FMR1NB: variants seen among roughly 807,000 people sequenced by gnomAD.
FMR1NB encodes the protein FMR1 neighbor protein.
A neutral mutation model predicts 16.8 loss-of-function variants in FMR1NB; 10 were observed. The observed-to-expected ratio is 0.60, with a 90% CI of 0.37 to 1.01. The LOEUF (loss-of-function observed/expected upper bound fraction) is 1.01. FMR1NB is among the 50% of genes least tolerant of loss of function. The pLI, the probability that FMR1NB is intolerant of heterozygous loss-of-function variation, is 0.01. For synonymous variants in FMR1NB, 83 were observed against 79.1 expected (o/e 1.05, Z -0.26); for missense variants, 205 against 204.8 (o/e 1.00, Z 0.00).
intron 4 of FMR1NB, among the ~76,000 whole-genome samples, chrX:148,010,874 G>T (rs2044620344): frequency 9.0e-6 from 1 of 111,104 alleles, no homozygotes; most frequent in Non-Finnish European, 1.9e-5. Flanking sequence ...AGCTGTCATA[G>T]CTCTCCTCTT....
intron 2 of FMR1NB, among the ~76,000 whole-genome samples, chrX:148,004,152 A>C (rs782360586): frequency 1.8e-5 from 2 of 112,386 alleles, no homozygotes. Flanking sequence ...AAGTTCCTTA[A>C]ATAAACTCAA....
chrX:148,018,556 A>G (rs1310154562), intron 4 of FMR1NB, among the ~76,000 whole-genome samples: 6 of 111,892 alleles, frequency 5.4e-5, no homozygotes, highest in Non-Finnish European at 7.5e-5. Flanking sequence ...CAAACCTGAG[A>G]AAAACAAGCA....
intron 1 of FMR1NB, among the ~76,000 whole-genome samples, chrX:147,992,073 CG>C (rs1301038523): frequency 2.1e-4 from 23 of 112,123 alleles, no homozygotes; most frequent in Non-Finnish European, 4.2e-4. Flanking sequence ...CACACAGACA[CG>C]GCAACTATCT....
chrX:148,005,535 G>A (rs1363738442), intron 2 of FMR1NB, among the ~76,000 whole-genome samples: 2 of 111,834 alleles, frequency 1.8e-5, no homozygotes, highest in African/African-American at 6.5e-5. Flanking sequence ...CAACAAGTAG[G>A]ATAAACTCTC....
chrX:148,022,737 A>G (rs1457988483), intron 4 of FMR1NB, among the ~76,000 whole-genome samples: 1 of 111,665 alleles, frequency 9.0e-6, no homozygotes, highest in African/African-American at 3.3e-5. Flanking sequence ...GGCTGAACAA[A>G]AACCAAGTCC....
At chrX:148,018,365 A>G (rs2044661265) in intron 4 of FMR1NB, among the ~76,000 whole-genome samples, 1 of 111,142 alleles carries the variant, frequency 9.0e-6, no homozygotes, top group South Asian at 3.7e-4. Flanking sequence ...GTTCATGCCA[A>G]GTCAATCCTA....
intron 4 of FMR1NB, among the ~76,000 whole-genome samples, chrX:148,011,938 G>A (rs1052371751): frequency 9.0e-6 from 1 of 111,578 alleles, no homozygotes; most frequent in African/African-American, 3.3e-5. Context: ...GAAGCAGAGA[G>A]CATTAGTGAA....
chrX:147,992,184 A>G (rs1315584726), intron 1 of FMR1NB, among the ~76,000 whole-genome samples: 1 of 107,559 alleles, frequency 9.3e-6, no homozygotes, highest in African/African-American at 3.4e-5. Context: ...CACACCTCCC[A>G]GACGGGGTGG....
intron 4 of FMR1NB, among the ~76,000 whole-genome samples, chrX:148,022,728 G>A (rs1295742785): frequency 4.5e-5 from 5 of 111,430 alleles, no homozygotes; most frequent in African/African-American, 6.5e-5. Flanking sequence ...TAGTGATGAG[G>A]CTGAACAAAA....
chrX:148,006,636 A>T lies in FMR1NB; in HGVS notation c.398-66A>T, dbSNP rs782543122. On this transcript the variant is annotated intron_variant, in intron 2 of 5. Coordinates refer to ENST00000370467, the MANE Select transcript of FMR1NB (RefSeq NM_152578.3). ...TTTTCTTCTTTGTCTTCCAGTAATT[A>T]TTTAATTAGGGAAAGTGGTAACTAA... 3.4e-5 allele frequency: 37 copies of T among 1,093,787 alleles called. No homozygotes were observed. The Middle Eastern group carries it at 2.0e-3, about 60-fold the overall frequency. The allele number at this position is 1,093,787 out of a possible 1,213,427, so 90.1% of individuals were successfully genotyped here.
intron 1 of FMR1NB, among the ~76,000 whole-genome samples, chrX:147,992,876 G>A (rs2044519515): frequency 3.3e-5 from 3 of 90,349 alleles, no homozygotes; most frequent in East Asian, 3.3e-4. Context: ...GGGAAGAGGC[G>A]CTCCTCACTT....
In FMR1NB at chrX:147,981,420, G is replaced by T. The variant is rs781834891; in HGVS notation, c.18G>T (p.Arg6Ser). 9 of 1,210,684 alleles carry T rather than the reference G, an allele frequency of 7.4e-6. No homozygotes were observed. The highest frequency in any genetic ancestry group is 1.0e-5 in the Non-Finnish European group (9 of 894,877). The change falls in exon 1 of 6, where the codon AGG (arginine) becomes AGT (serine). Residue 6 changes from arginine (R) to serine (S), a missense_variant. Transcript: ENST00000370467. ...CCGGAGCCATGTCTTCACATAGGAG[G>T]AAAGCGAAGGGGAGGAATAGGAGAA... is the stretch of plus-strand genomic sequence containing the variant. MSSHRRKAKGRNRRSH... is the reference protein window; with the variant it reads MSSHRSKAKGRNRRSH...
intron 1 of FMR1NB, among the ~76,000 whole-genome samples, chrX:147,984,485 G>T (rs1263522624): frequency 8.9e-6 from 1 of 112,118 alleles, no homozygotes; most frequent in Non-Finnish European, 1.9e-5. Context: ...TATTGCAAAT[G>T]GAATGGTTTC....
chrX:147,991,153 C>A (rs1174632134), intron 1 of FMR1NB, among the ~76,000 whole-genome samples: 1 of 111,340 alleles, frequency 9.0e-6, no homozygotes, highest in Non-Finnish European at 1.9e-5. Context: ...GCTTACTTTT[C>A]TCACCTCAGT....
intron 3 of FMR1NB, among the ~76,000 whole-genome samples, chrX:148,007,213 A>G (rs1557189211): frequency 8.9e-6 from 1 of 111,733 alleles, no homozygotes; most frequent in Non-Finnish European, 1.9e-5. Flanking sequence ...AATTCTTCCC[A>G]TTTGTCTTGT....
Position 148,024,849 on chromosome X carries a change from A to G in FMR1NB, c.633-16A>G. On this transcript the variant is annotated splice_polypyrimidine_tract_variant and intron_variant, in intron 4 of 5. Coordinates refer to ENST00000370467, the MANE Select transcript of FMR1NB (RefSeq NM_152578.3). ...TAATGAGAAATAAGGTTTCACTTGA[A>G]CTTTTTATGTTACAGCGAACCGGCC... 8.3e-7 allele frequency: 1 copy of G among 1,206,380 alleles called. No homozygotes were observed. Among genetic ancestry groups the G allele is most frequent in the East Asian group, 3.0e-5 (1 of 33,784 alleles).
At chrX:148,012,489 A>G (rs1557189719) in intron 4 of FMR1NB, among the ~76,000 whole-genome samples, 1 of 112,004 alleles carries the variant, frequency 8.9e-6, no homozygotes, top group African/African-American at 3.2e-5. Context: ...AATTAAGACA[A>G]AATTCAGAAC....
At chrX:148,023,245 A>T (rs1370432742) in intron 4 of FMR1NB, among the ~76,000 whole-genome samples, 1 of 111,412 alleles carries the variant, frequency 9.0e-6, no homozygotes, top group Admixed American at 9.6e-5. Context: ...TTTTTTTTAG[A>T]CTGTAGGTAA....
At chrX:148,005,433 C>A (rs1041419969) in intron 2 of FMR1NB, among the ~76,000 whole-genome samples, 2 of 110,716 alleles carry the variant, frequency 1.8e-5, no homozygotes, top group East Asian at 5.7e-4. Context: ...TGTTTGACAC[C>A]CAGAACTGAA....
Sources: gnomAD v4.1 joint callset for allele counts (sites outside exome capture counted in the v4.1 genomes callset) on GRCh38, gnomAD v4.1.1 for gene constraint, MANE v1.5 for transcripts, NCBI Gene and HGNC (gene_info 2026-07-23, HGNC 2026-07-21) for gene names.